The following LRRC61 variants were observed in gnomAD, a reference collection of about 807,000 sequenced individuals.
The protein encoded by LRRC61 is leucine rich repeat containing 61, also known as leucine-rich repeat-containing protein 61.
Under a neutral mutation model 15.1 loss-of-function variants are expected in LRRC61, and 9 were observed. The observed-to-expected ratio is 0.60, with a 90% confidence interval of 0.36 to 1.04. The LOEUF is 1.04. Among genes scored for constraint, LRRC61 ranks in the 50% least tolerant of loss-of-function variants. The probability of loss-of-function intolerance (pLI) is 0.01; values close to 1 mark genes in which losing one functional copy is unlikely to be tolerated. For synonymous variants in LRRC61, 173 were observed against 158.6 expected (o/e 1.09, Z -0.68); for missense variants, 344 against 335.6 (o/e 1.03, Z -0.20).
chr7:150,315,924 G>A, the LRRC61 span, among the ~76,000 whole-genome samples: 4 of 152,162 alleles, frequency 2.6e-5, no homozygotes, highest in East Asian at 5.8e-4. Context: ...TAGGCCGGCC[G>A]CGGTGGCTCA....
rs1403675713 is a variant in LRRC61 at position 150,323,494 on chromosome 7, G to A, written c.-381G>A. ...CTGCCGAGGAGGCGCCGGCTCTGCG[G>A]TGCGGAGTTGCGCCGGACTTCCCAG... On this transcript the variant is annotated 5_prime_UTR_variant, in exon 1 of 3. The change creates a new upstream start codon in the 5' untranslated region. Coordinates refer to ENST00000359623, the MANE Select transcript of LRRC61 (RefSeq NM_001142928.2). 2.3e-6 allele frequency: 1 copy of A among 428,078 alleles called. No homozygotes were observed. Among genetic ancestry groups the A allele is most frequent in the Admixed American group, 2.6e-5 (1 of 38,796 alleles). 26.5% of individuals were successfully genotyped at this position (428,078 alleles called of 1,614,324 possible).
the LRRC61 span, among the ~76,000 whole-genome samples, chr7:150,310,710 C>T: frequency 6.6e-6 from 1 of 152,252 alleles, no homozygotes; most frequent in Admixed American, 6.5e-5. Flanking sequence ...ACTGTCCTAC[C>T]CCAAGGTTTC....
rs1798250553 is a variant in LRRC61 at position 150,335,199 on chromosome 7, C to G, written c.-144-1519C>G. Among the ~76,000 whole-genome samples, 5 of 152,184 alleles carry G rather than the reference C, an allele frequency of 3.3e-5. No homozygotes were observed. In the South Asian group the frequency reaches 1.0e-3, roughly 31 times the overall value. Reference sequence around the variant, plus strand: ...AGGTTTCTAGTGCCTGGTGCTCCTCCTGCACCCCCCACGTTAGGGGCCAGA... The same window carrying G: ...AGGTTTCTAGTGCCTGGTGCTCCTCGTGCACCCCCCACGTTAGGGGCCAGA... On this transcript the variant is annotated intron_variant, in intron 2 of 2. Coordinates refer to ENST00000359623, the MANE Select transcript of LRRC61 (RefSeq NM_001142928.2). The surrounding 1 kb of genome is among the most constrained non-coding windows in gnomAD (Gnocchi z 4.3).
At chr7:150,334,209 C>G in intron 2 of LRRC61, 1 of 721,712 alleles carries the variant, frequency 1.4e-6, no homozygotes, top group Non-Finnish European at 1.7e-6. Context: ...TTCACTTAAC[C>G]TCTGCAGTCC....
At position 150,330,877 on chromosome 7, in the gene LRRC61, G is replaced by A. The variant is rs1798087573; in HGVS notation, c.-145+4867G>A. The stretch of plus-strand genomic sequence containing the variant: ...CCTCTGCAGAGCAGCAGCCACTCTG[G>A]GGCCTTCCTGCTGGCCCAGAGGGAG... On this transcript the variant is annotated intron_variant, in intron 2 of 2. Coordinates refer to ENST00000359623, the MANE Select transcript of LRRC61 (RefSeq NM_001142928.2). The surrounding 1 kb of genome is among the most constrained non-coding windows in gnomAD (Gnocchi z 4.6). 1.2e-6 allele frequency: 2 copies of A among 1,611,096 alleles called. No homozygotes were observed. The highest frequency in any genetic ancestry group is 1.7e-6 in the Non-Finnish European group (2 of 1,178,398).
chr7:150,331,099 A>C, intron 2 of LRRC61: 1 of 1,610,026 alleles, frequency 6.2e-7, no homozygotes, highest in Non-Finnish European at 8.5e-7. Flanking sequence ...CTTACCCCCC[A>C]CAGGAGCCTT....
In LRRC61 at chr7:150,336,820, A is replaced by G. The variant is rs762170856; in HGVS notation, c.-42A>G. On this transcript the variant is annotated 5_prime_UTR_variant, in exon 3 of 3. Coordinates refer to ENST00000359623, the MANE Select transcript of LRRC61 (RefSeq NM_001142928.2). Reference sequence around the variant, plus strand: ...CTGACCCCCAGTGGAACCCTGTGACAGTCCTGCCAGGGCCCAGGCCATCCC... The same window carrying G: ...CTGACCCCCAGTGGAACCCTGTGACGGTCCTGCCAGGGCCCAGGCCATCCC... The G allele has an allele frequency of 1.3e-6, 2 of 1,563,018 alleles. No homozygotes were observed. Among genetic ancestry groups the G allele is most frequent in the African/African-American group, 2.7e-5 (2 of 74,372 alleles).
chr7:150,319,972 AT>A (rs1035268770), upstream of LRRC61, among the ~76,000 whole-genome samples: 4 of 152,222 alleles, frequency 2.6e-5, no homozygotes, highest in African/African-American at 9.6e-5. Context: ...GAAGATCAGC[AT>A]TTCCTTCCGT....
At chr7:150,322,945 T>G (rs991569908), upstream of LRRC61, 1 of 152,262 alleles carries the variant, frequency 6.6e-6, no homozygotes, top group Non-Finnish European at 1.5e-5. Context: ...GCGGACGAGG[T>G]CCGGGTCGCA....
At chr7:150,311,145 C>T in the LRRC61 span, among the ~76,000 whole-genome samples, 2 of 152,156 alleles carry the variant, frequency 1.3e-5, no homozygotes, top group Non-Finnish European at 2.9e-5. Flanking sequence ...TCCCATAGAC[C>T]CTAAGTCCTT....
chr7:150,330,441 C>A lies in LRRC61; in HGVS notation c.-145+4431C>A, dbSNP rs1425924078. On this transcript the variant is annotated intron_variant, in intron 2 of 2. Transcript: ENST00000359623. The surrounding 1 kb of genome is among the most constrained non-coding windows in gnomAD (Gnocchi z 4.6). ...CGAGGCGAGTGCGGCACAGGCCTCTCTGAGCCAGGTGCTGCCCCAGCTGCG... is the reference window on the plus strand; with the variant it reads ...CGAGGCGAGTGCGGCACAGGCCTCTATGAGCCAGGTGCTGCCCCAGCTGCG... 4 of 776,182 alleles carry A rather than the reference C, an allele frequency of 5.2e-6. No individual in the cohort carries two copies. The highest frequency in any genetic ancestry group is 9.6e-6 in the Non-Finnish European group (4 of 418,112). The allele number at this position is 776,182 out of a possible 1,614,324, so 48.1% of individuals were successfully genotyped here.
Position 150,335,501 on chromosome 7 carries a change from C to T in LRRC61, c.-144-1217C>T, listed in dbSNP as rs771288803. On this transcript the variant is annotated intron_variant, in intron 2 of 2. Coordinates refer to ENST00000359623, the MANE Select transcript of LRRC61 (RefSeq NM_001142928.2). The surrounding 1 kb of genome is among the most constrained non-coding windows in gnomAD (Gnocchi z 4.3). Reference sequence around the variant, plus strand: ...AGGATGGCAAGACCGTTTACATCCTCGCCAGCTCCCTGGTTGGGAACATAG... The same window carrying T: ...AGGATGGCAAGACCGTTTACATCCTTGCCAGCTCCCTGGTTGGGAACATAG... 5.3e-5 allele frequency among the ~76,000 whole-genome samples: 8 copies of T among 152,196 alleles called. No homozygotes were observed. Among genetic ancestry groups the T allele is most frequent in the Admixed American group, 2.0e-4 (3 of 15,284 alleles).
upstream of LRRC61, among the ~76,000 whole-genome samples, chr7:150,321,878 G>C (rs1797548442): frequency 6.6e-6 from 1 of 152,246 alleles, no homozygotes; most frequent in Non-Finnish European, 1.5e-5. Context: ...CAGGAGAAGG[G>C]TCATCTGAAA....
At chr7:150,318,566 A>G (rs1797175555), upstream of LRRC61, among the ~76,000 whole-genome samples, 1 of 152,214 alleles carries the variant, frequency 6.6e-6, no homozygotes, top group Non-Finnish European at 1.5e-5. Context: ...GTTCAAGACC[A>G]GCCTGGCCAA....
Position 150,330,835 on chromosome 7 carries a change from G to T in LRRC61, c.-145+4825G>T, listed in dbSNP as rs1230672905. On this transcript the variant is annotated intron_variant, in intron 2 of 2. Coordinates refer to ENST00000359623, the MANE Select transcript of LRRC61 (RefSeq NM_001142928.2). This position sits in a 1 kb window ranked among gnomAD's most constrained non-coding sequence, Gnocchi z 4.6. ...GTAGCCAAGAGCTCCGGGGTGGAGG[G>T]GAGAAGCCAGGGGGAGCCTCTGCAG... 6.2e-7 allele frequency: 1 copy of T among 1,609,186 alleles called. No individual in the cohort carries two copies. Among genetic ancestry groups the T allele is most frequent in the Non-Finnish European group, 8.5e-7 (1 of 1,177,034 alleles).
In LRRC61 at chr7:150,330,216, C is replaced by A; in HGVS notation, c.-145+4206C>A. 1 of 599,312 alleles carries A rather than the reference C, an allele frequency of 1.7e-6. No individual in the cohort carries two copies. The highest frequency in any genetic ancestry group is 1.9e-5 in the African/African-American group (1 of 53,946). The allele number at this position is 599,312 out of a possible 1,614,324, so 37.1% of individuals were successfully genotyped here. On this transcript the variant is annotated intron_variant, in intron 2 of 2. Transcript: ENST00000359623. The surrounding 1 kb of genome is among the most constrained non-coding windows in gnomAD (Gnocchi z 4.6). Reference sequence around the variant, plus strand: ...CCAGCGCCAGCGCAGCCTCCTAGCCCACCAGCCCTTTGAGGAGCTCTTGGA... The same window carrying A: ...CCAGCGCCAGCGCAGCCTCCTAGCCAACCAGCCCTTTGAGGAGCTCTTGGA...
At chr7:150,313,753 G>C in the LRRC61 span, among the ~76,000 whole-genome samples, 2 of 152,156 alleles carry the variant, frequency 1.3e-5, no homozygotes, top group East Asian at 1.9e-4. Flanking sequence ...GAGGGAGAGA[G>C]GGGGAGAGAG....
At chr7:150,317,118 C>A in the LRRC61 span, among the ~76,000 whole-genome samples, 1 of 151,856 alleles carries the variant, frequency 6.6e-6, no homozygotes, top group Non-Finnish European at 1.5e-5. Context: ...ATGGCGTGAT[C>A]TCGGCTCACT....
chr7:150,312,172 A>G, the LRRC61 span, among the ~76,000 whole-genome samples: 1 of 152,154 alleles, frequency 6.6e-6, no homozygotes, highest in African/African-American at 2.4e-5. Context: ...GAAGGCCAGT[A>G]TTTTTCTTTC....
Sources: allele counts gnomAD v4.1 joint callset (sites outside exome capture counted in the v4.1 genomes callset), GRCh38; gene constraint gnomAD v4.1.1; non-coding constraint Gnocchi (gnomAD v3.1); transcripts MANE v1.5; gene names NCBI Gene and HGNC (gene_info 2026-07-23, HGNC 2026-07-21).